ZNF407: variants seen among roughly 807,000 people sequenced by gnomAD.
The protein encoded by ZNF407 is zinc finger protein 407.
A neutral mutation model predicts 131.2 loss-of-function variants in ZNF407; 17 were observed. The ratio of observed to expected loss-of-function variants is 0.13; its 90% confidence interval spans 0.09 to 0.19. The LOEUF (loss-of-function observed/expected upper bound fraction) is 0.19, where lower values mean the gene tolerates loss of function less well. Ranked by LOEUF, ZNF407 falls within the 10% of genes least tolerant of loss-of-function variation. The probability of loss-of-function intolerance (pLI) is 1.00; values close to 1 mark genes in which losing one functional copy is unlikely to be tolerated. For missense variants in ZNF407, 2,681 were observed against 2,830.6 expected (o/e 0.95, Z 1.20); for synonymous variants, 1,156 against 1,062.0 (o/e 1.09, Z -1.72).
chr18:74,839,208 GA>G (rs1232624735), intron 4 of ZNF407, among the ~76,000 whole-genome samples: 1 of 152,120 alleles, frequency 6.6e-6, no homozygotes, highest in African/African-American at 2.4e-5. Context: ...TATTAGTAGG[GA>G]AAACAATTGC....
At chr18:74,995,199 G>A (rs1228474381) in intron 8 of ZNF407, among the ~76,000 whole-genome samples, 1 of 152,142 alleles carries the variant, frequency 6.6e-6, no homozygotes, top group Non-Finnish European at 1.5e-5. Context: ...CGTGACTGCA[G>A]GGGCAAGTGT....
intron 1 of ZNF407, among the ~76,000 whole-genome samples, chr18:74,610,059 TC>T (rs1400539522): frequency 5.9e-5 from 9 of 152,248 alleles, no homozygotes; most frequent in African/African-American, 2.2e-4. Context: ...GATATATCCT[TC>T]ACAGGCTTGT....
rs776425129 is a variant in ZNF407, at chr18:74,634,668, C to T, written c.3649C>T (p.His1217Tyr). 3.7e-6 allele frequency: 6 copies of T among 1,613,864 alleles called. No individual in the cohort carries two copies. The Middle Eastern group carries it at 4.9e-4, about 133-fold the overall frequency. Reference sequence around the variant, plus strand: ...AAATTGTGAGACAGCAAAGAAAAACCATGAGATATCGAATGATGCAGGTGA... The same window carrying T: ...AAATTGTGAGACAGCAAAGAAAAACTATGAGATATCGAATGATGCAGGTGA... ...ALNCETAKKN[H>Y]EISNDAGELR... The change falls in exon 2 of 9, where the codon CAT becomes TAT. Residue 1217 changes from histidine (H) to tyrosine (Y), a missense_variant. Physicochemically the swap from His to Tyr is moderately conservative, Grantham distance 83. This residue lies in a region of ZNF407 where 1,789 missense variants were observed against 1,748.7 expected (regional missense o/e 1.02). Transcript: ENST00000299687.
intron 3 of ZNF407, among the ~76,000 whole-genome samples, chr18:74,648,129 C>A (rs1052807602): frequency 6.6e-6 from 1 of 152,150 alleles, no homozygotes; most frequent in East Asian, 1.9e-4. Flanking sequence ...ACGACACCTG[C>A]CTCAGATGGA....
rs1969749026 is a variant in ZNF407 at position 74,787,826 on chromosome 18, CAAT to C, written c.4877+6325_4877+6327del. 2.6e-5 allele frequency among the ~76,000 whole-genome samples: 4 copies of C among 152,196 alleles called. No individual in the cohort carries two copies. The South Asian group carries it at 8.3e-4, about 31-fold the overall frequency. The stretch of plus-strand genomic sequence containing the variant: ...CCGCTCATTTAGCACACAGCTATGA[CAAT>C]GACTTAAATTTAAGACTGTTTTAAG... On this transcript the variant is annotated intron_variant, in intron 4 of 8. Transcript: ENST00000299687.
chr18:75,058,298 TAC>T (rs1859506518), intron 8 of ZNF407, among the ~76,000 whole-genome samples: 1 of 152,184 alleles, frequency 6.6e-6, no homozygotes, highest in South Asian at 2.1e-4. Context: ...CCCCAGTAAC[TAC>T]CTTTTTATTC....
At chr18:74,721,991 G>A (rs1237390999) in intron 3 of ZNF407, among the ~76,000 whole-genome samples, 1 of 150,312 alleles carries the variant, frequency 6.7e-6, no homozygotes, top group African/African-American at 2.4e-5. Context: ...TCTTTATATG[G>A]TATGAAGTTA....
At chr18:74,968,675 G>C (rs1972436929) in intron 8 of ZNF407, among the ~76,000 whole-genome samples, 1 of 152,158 alleles carries the variant, frequency 6.6e-6, no homozygotes, top group South Asian at 2.1e-4. Context: ...TCCCACATGA[G>C]TAATACCTTG....
intron 4 of ZNF407, among the ~76,000 whole-genome samples, chr18:74,809,327 T>C (rs1215983904): frequency 6.6e-6 from 1 of 152,210 alleles, no homozygotes; most frequent in Non-Finnish European, 1.5e-5. Context: ...CAGCATCCCA[T>C]TTGCAGTATA....
intron 7 of ZNF407, among the ~76,000 whole-genome samples, chr18:74,907,178 C>T (rs1971607467): frequency 6.6e-6 from 1 of 152,106 alleles, no homozygotes. Context: ...GGCTTTTATA[C>T]AACAAGTAAG....
At position 74,953,993 on chromosome 18, in the gene ZNF407, C is replaced by T. The variant is rs564347330; in HGVS notation, c.5428+33301C>T. Among the ~76,000 whole-genome samples, 25 of 152,186 alleles carry T rather than the reference C, an allele frequency of 1.6e-4. 1 individual carries two copies. The highest frequency in any genetic ancestry group is 1.4e-3 in the Admixed American group (22 of 15,308). On this transcript the variant is annotated intron_variant, in intron 8 of 8. Coordinates refer to ENST00000299687, the MANE Select transcript of ZNF407 (RefSeq NM_017757.3). ...TGTATGTTTTGTGTGTGTGCATGTG[C>T]GTGCACGTGGACACACACTTTTACA...
chr18:75,063,455 A>G lies in ZNF407; in HGVS notation c.5734A>G (p.Ile1912Val), dbSNP rs1320633598. 1.9e-6 allele frequency: 3 copies of G among 1,607,306 alleles called. No homozygotes were observed. The highest frequency in any genetic ancestry group is 1.1e-5 in the South Asian group (1 of 90,228). The change falls in exon 9 of 9, where the codon ATC becomes GTC. Residue 1912 changes from isoleucine (I) to valine (V), a missense_variant. By Grantham distance (29) the Ile-to-Val change is conservative. This residue lies in a region of ZNF407 where 620 missense variants were observed against 583.1 expected (regional missense o/e 1.06). Coordinates refer to ENST00000299687, the MANE Select transcript of ZNF407 (RefSeq NM_017757.3). The surrounding 1 kb of genome is among the most constrained non-coding windows in gnomAD (Gnocchi z 6.6). ...VVHITEDGQV[I>V]ATSQSGAHVG... ...GCATATCACGGAGGATGGCCAGGTC[A>G]TCGCCACGAGTCAGAGCGGGGCACA...
intron 4 of ZNF407, among the ~76,000 whole-genome samples, chr18:74,812,518 T>C (rs1221983284): frequency 6.6e-6 from 1 of 152,220 alleles, no homozygotes; most frequent in African/African-American, 2.4e-5. Context: ...TATGATTTTG[T>C]CTTTGGTTTT....
intron 8 of ZNF407, among the ~76,000 whole-genome samples, chr18:75,025,567 G>A (rs1044683986): frequency 2.6e-4 from 40 of 152,318 alleles, no homozygotes; most frequent in African/African-American, 9.1e-4. Context: ...TTCACCACTA[G>A]TTTCCTTTCC....
At chr18:74,636,360 A>G (rs927179117) in intron 2 of ZNF407, among the ~76,000 whole-genome samples, 2 of 152,082 alleles carry the variant, frequency 1.3e-5, no homozygotes, top group Non-Finnish European at 2.9e-5. Context: ...TTTTTGGTGG[A>G]AAATGCATAA....
intron 8 of ZNF407, among the ~76,000 whole-genome samples, chr18:74,929,572 T>A (rs1166155685): frequency 1.3e-5 from 2 of 152,162 alleles, no homozygotes; most frequent in African/African-American, 4.8e-5. Context: ...TCAATATAAC[T>A]TACATATTTT....
chr18:75,019,679 A>G (rs542901899), intron 8 of ZNF407, among the ~76,000 whole-genome samples: 1 of 152,038 alleles, frequency 6.6e-6, no homozygotes, highest in Non-Finnish European at 1.5e-5. Flanking sequence ...ATAAAGAAAT[A>G]CCTGAACCTG....
intron 8 of ZNF407, among the ~76,000 whole-genome samples, chr18:75,056,015 G>A (rs1035899007): frequency 1.1e-4 from 16 of 152,134 alleles, no homozygotes; most frequent in African/African-American, 2.2e-4. Context: ...CATGAAATGC[G>A]GGGCATGGCG....
At chr18:74,927,684 A>G (rs1971931623) in intron 8 of ZNF407, among the ~76,000 whole-genome samples, 1 of 152,226 alleles carries the variant, frequency 6.6e-6, no homozygotes, top group Non-Finnish European at 1.5e-5. Flanking sequence ...AGAGCTTGAA[A>G]ATTGTATTCT....
Sources: gnomAD v4.1 joint callset for allele counts (sites outside exome capture counted in the v4.1 genomes callset) on GRCh38, gnomAD v4.1.1 for gene constraint, gnomAD v4.1.1 regional missense constraint, Gnocchi (gnomAD v3.1) non-coding constraint, MANE v1.5 for transcripts, NCBI Gene and HGNC (gene_info 2026-07-23, HGNC 2026-07-21) for gene names.